NF1: variants seen among roughly 807,000 people sequenced by gnomAD.
NF1 encodes neurofibromin.
NF1 carries 122 observed loss-of-function variants against 325.7 expected under a neutral mutation model. The ratio of observed to expected loss-of-function variants is 0.37; its 90% CI spans 0.32 to 0.44. The LOEUF (loss-of-function observed/expected upper bound fraction) is 0.44. Ranked by LOEUF, NF1 falls within the 20% of genes least tolerant of loss-of-function variation. The pLI is 1.00. For missense variants in NF1, 2,140 were observed against 3,415.4 expected (o/e 0.63, Z 9.31); for synonymous variants, 1,091 against 1,186.0 (o/e 0.92, Z 1.65).
At chr17:31,258,562 T>C in intron 32 of NF1, 60 bp downstream of exon 32, 1 of 1,519,898 alleles carries the variant, frequency 6.6e-7, no homozygotes, top group South Asian at 1.1e-5. Flanking sequence ...TTTTCAGCTT[T>C]TCTTACAGTA....
In NF1 at chr17:31,293,173, C is replaced by A. The variant is rs1409522448; in HGVS notation, c.4835+27834C>A. On this transcript the variant is annotated intron_variant, in intron 36 of 57. Transcript: ENST00000358273. Reference sequence around the variant, plus strand: ...AGCCTGGGGGATAAGAGCGAGACTTCGTCTCAAAAAAAAAAAAAAAAAAAA... The same window carrying A: ...AGCCTGGGGGATAAGAGCGAGACTTAGTCTCAAAAAAAAAAAAAAAAAAAA... 1.1e-4 allele frequency among the ~76,000 whole-genome samples: 3 copies of A among 26,662 alleles called. No individual in the cohort carries two copies. In the East Asian group the frequency reaches 2.7e-3, roughly 24 times the overall value. 17.5% of individuals were successfully genotyped at this position (26,662 alleles called of 152,430 possible). A position where few individuals can be genotyped will look rare whatever the true frequency, so the allele number is the denominator to read the frequency against.
intron 39 of NF1, chr17:31,331,034 A>G (rs950433653): frequency 1.3e-5 from 2 of 152,294 alleles, no homozygotes; most frequent in Non-Finnish European, 2.9e-5. Flanking sequence ...GTCCATCTTT[A>G]TATCCTATAG....
intron 8 of NF1, among the ~76,000 whole-genome samples, chr17:31,194,237 C>T (rs186012912): frequency 6.6e-6 from 1 of 152,112 alleles, no homozygotes; most frequent in Non-Finnish European, 1.5e-5. Context: ...TATTTTGAGG[C>T]ACGTGGATTG....
intron 48 of NF1, among the ~76,000 whole-genome samples, chr17:31,346,524 ATGT>A (rs1186639780): frequency 6.6e-6 from 1 of 150,378 alleles, no homozygotes; most frequent in Non-Finnish European, 1.5e-5. Context: ...TATTTTTTAC[ATGT>A]GATGGTGATA....
chr17:31,303,636 A>T (rs2068627471), intron 36 of NF1: 2 of 152,246 alleles, frequency 1.3e-5, no homozygotes, highest in South Asian at 4.1e-4. Flanking sequence ...CCCCCCCAAC[A>T]TGGTAGGAAA....
At chr17:31,154,209 C>G (rs1917155772) in intron 1 of NF1, among the ~76,000 whole-genome samples, 1 of 151,904 alleles carries the variant, frequency 6.6e-6, no homozygotes, top group African/African-American at 2.4e-5. Context: ...GCATGTGCCA[C>G]CACGCTCGGC....
intron 1 of NF1, among the ~76,000 whole-genome samples, chr17:31,114,406 C>T (rs1249809735): frequency 1.3e-5 from 2 of 151,926 alleles, no homozygotes; most frequent in African/African-American, 2.4e-5. Flanking sequence ...GGCGTGGTGG[C>T]GGGTACCTGT....
chr17:31,148,300 G>A (rs1916713981), intron 1 of NF1, among the ~76,000 whole-genome samples: 1 of 151,808 alleles, frequency 6.6e-6, no homozygotes, highest in South Asian at 2.1e-4. Context: ...GCCAGTGGGG[G>A]CCTCTTTAAA....
At chr17:31,231,567 C>T (rs955163328) in intron 24 of NF1, among the ~76,000 whole-genome samples, 2 of 152,102 alleles carry the variant, frequency 1.3e-5, no homozygotes, top group Admixed American at 6.5e-5. Flanking sequence ...ATAGTATTTG[C>T]ATATAAACTA....
intron 56 of NF1, chr17:31,360,219 T>G: frequency 2.2e-6 from 1 of 464,178 alleles, no homozygotes; most frequent in Non-Finnish European, 3.9e-6. Context: ...TTCCTGGTGA[T>G]TGTATTGTCT....
At position 31,327,831 on chromosome 17, in the gene NF1, G is replaced by A. The variant is rs766322878; in HGVS notation, c.5601G>A (p.Pro1867=). 6 of 1,613,876 alleles carry A rather than the reference G, an allele frequency of 3.7e-6. No homozygotes were observed. Among genetic ancestry groups the A allele is most frequent in the Middle Eastern group, 1.7e-4 (1 of 5,934 alleles). The part of the protein sequence containing the change: ...IALLNLGSSD[P]SLRSAAYNLL... Reference sequence around the variant, plus strand: ...TACTTAATTTAGGCAGTTCTGACCCGAGTTTACGGTAGGTTTTTTAAAATT... The same window carrying A: ...TACTTAATTTAGGCAGTTCTGACCCAAGTTTACGGTAGGTTTTTTAAAATT... Residue 1867 remains proline (P), a synonymous_variant, in exon 38 of 58, where the codon CCG becomes CCA. Coordinates refer to ENST00000358273, the MANE Select transcript of NF1 (RefSeq NM_001042492.3).
intron 36 of NF1, among the ~76,000 whole-genome samples, chr17:31,319,896 A>G (rs1261291915): frequency 1.3e-5 from 2 of 152,158 alleles, no homozygotes; most frequent in Admixed American, 1.3e-4. Flanking sequence ...GTGTAATAAA[A>G]TAGAAATAGA....
chr17:31,349,170 C>T lies in NF1; in HGVS notation c.7240C>T (p.His2414Tyr), dbSNP rs2070075234. The T allele has an allele frequency of 6.2e-7, 1 of 1,612,098 alleles. No individual in the cohort carries two copies. The highest frequency in any genetic ancestry group is 8.5e-7 in the Non-Finnish European group (1 of 1,178,914). ...TGTTGCAAGAACAGTCAGAATTTTA[C>T]ATACACTACTAACTCTGGTTAACAA... ...AIVARTVRIL[H>Y]TLLTLVNKHR... Residue 2414 changes from histidine (H) to tyrosine (Y), a missense_variant, in exon 49 of 58, where the codon CAT (histidine) becomes TAT (tyrosine). By Grantham distance (83) the His-to-Tyr change is moderately conservative. Transcript: ENST00000358273.
intron 1 of NF1, among the ~76,000 whole-genome samples, chr17:31,129,420 G>C (rs1915161293): frequency 6.9e-6 from 1 of 145,510 alleles, no homozygotes; most frequent in South Asian, 2.2e-4. Context: ...AGCTTGGTCT[G>C]TTCTACTGTT....
At chr17:31,217,150 G>T (rs909808190) in intron 13 of NF1, among the ~76,000 whole-genome samples, 1 of 152,130 alleles carries the variant, frequency 6.6e-6, no homozygotes, top group Non-Finnish European at 1.5e-5. Context: ...CAATAAAAAT[G>T]ATTTGGTTTT....
intron 51 of NF1, chr17:31,356,250 A>T (rs543586543): frequency 3.8e-4 from 190 of 499,236 alleles, no homozygotes; most frequent in Non-Finnish European, 2.7e-4. Flanking sequence ...GTAAGGTGCA[A>T]CCTATCCTGA....
At chr17:31,305,215 C>T (rs572332677) in intron 36 of NF1, 32 of 1,614,038 alleles carry the variant, frequency 2.0e-5, no homozygotes, top group South Asian at 1.1e-4. Context: ...GGTAGAAGTA[C>T]GGGCAGATGG....
intron 5 of NF1, among the ~76,000 whole-genome samples, chr17:31,174,704 G>T (rs1403403447): frequency 1.3e-5 from 2 of 152,122 alleles, no homozygotes; most frequent in East Asian, 1.9e-4. Context: ...CACACAGTTT[G>T]TTCATCTGTA....
intron 12 of NF1, among the ~76,000 whole-genome samples, chr17:31,213,554 A>G (rs2066767304): frequency 6.6e-6 from 1 of 152,220 alleles, no homozygotes; most frequent in Admixed American, 6.5e-5. Context: ...ATATGTTTAC[A>G]TAAAGACATT....
Sources: allele counts gnomAD v4.1 joint callset (sites outside exome capture counted in the v4.1 genomes callset), GRCh38; gene constraint gnomAD v4.1.1; transcripts MANE v1.5; gene names NCBI Gene and HGNC (gene_info 2026-07-23, HGNC 2026-07-21).